The following UBE2E2 variants were observed in gnomAD, a reference collection of about 807,000 sequenced individuals.
UBE2E2 encodes the protein ubiquitin-conjugating enzyme E2 E2.
In UBE2E2, 6 loss-of-function variants were observed where a neutral mutation model predicts 24.7. The observed-to-expected ratio is 0.24, with a 90% confidence interval of 0.13 to 0.48. The LOEUF (loss-of-function observed/expected upper bound fraction) is 0.48, where lower values mean the gene tolerates loss of function less well. Among genes scored for constraint, UBE2E2 ranks in the 20% least tolerant of loss-of-function variants. UBE2E2 has a pLI of 0.99. For synonymous variants in UBE2E2, 104 were observed against 83.6 expected, an observed-to-expected ratio of 1.24 and a Z score of -1.33; for missense variants, 169 against 245.0, an observed-to-expected ratio of 0.69 and a Z score of 2.07.
rs139576766 is a variant in UBE2E2, at chr3:23,321,661, G to A, written c.227+104349G>A. ...GGGAATGGGGGTAGTCTCTTATCTC[G>A]AATGCCATGGCTTCCCACTATTATG... On this transcript the variant is annotated intron_variant, in intron 3 of 5. Transcript: ENST00000396703. 6.8e-4 allele frequency among the ~76,000 whole-genome samples: 101 copies of A among 147,646 alleles called. 5 individuals carry two copies. In the East Asian group the frequency reaches 0.016, roughly 24 times the overall value.
chr3:23,344,918 A>G (rs1280045572), intron 3 of UBE2E2, among the ~76,000 whole-genome samples: 1 of 151,710 alleles, frequency 6.6e-6, no homozygotes, highest in Non-Finnish European at 1.5e-5. Flanking sequence ...TTTTTGAAAA[A>G]GAAGTTTTAT....
At chr3:23,581,240 G>T (rs1696469888) in intron 5 of UBE2E2, among the ~76,000 whole-genome samples, 1 of 151,884 alleles carries the variant, frequency 6.6e-6, no homozygotes, top group African/African-American at 2.4e-5. Context: ...AAAAATTTAT[G>T]TAGAGGCGGG....
chr3:23,533,619 ATTTTTTT>A (rs759984741), intron 5 of UBE2E2, among the ~76,000 whole-genome samples: 10 of 108,522 alleles, frequency 9.2e-5, no homozygotes, highest in African/African-American at 1.5e-4. Context: ...GCAAATTAGT[ATTTTTTT>A]TTTTTTTTTT....
chr3:23,234,197 G>GC (rs1412518131), intron 3 of UBE2E2, among the ~76,000 whole-genome samples: 1 of 148,108 alleles, frequency 6.8e-6, no homozygotes, highest in East Asian at 2.0e-4. Context: ...CATTCTCTGT[G>GC]CCCTTTTTTT....
intron 4 of UBE2E2, among the ~76,000 whole-genome samples, chr3:23,522,665 A>G (rs1694897289): frequency 6.6e-6 from 1 of 152,176 alleles, no homozygotes; most frequent in Admixed American, 6.5e-5. Flanking sequence ...TCTTTACCAG[A>G]TAGTATCTCC....
At chr3:23,441,291 A>G (rs1250109674) in intron 3 of UBE2E2, among the ~76,000 whole-genome samples, 7 of 151,410 alleles carry the variant, frequency 4.6e-5, no homozygotes, top group South Asian at 4.2e-4. Flanking sequence ...TTGGGAGGCC[A>G]AGGCGGGCAG....
chr3:23,541,269 C>G (rs1695390973), intron 5 of UBE2E2, among the ~76,000 whole-genome samples: 1 of 152,226 alleles, frequency 6.6e-6, no homozygotes, highest in Admixed American at 6.5e-5. Flanking sequence ...TCTGACTCAA[C>G]TTTTCATTCA....
At chr3:23,483,909 G>C (rs1000762433) in intron 3 of UBE2E2, among the ~76,000 whole-genome samples, 2 of 152,160 alleles carry the variant, frequency 1.3e-5, no homozygotes, top group African/African-American at 4.8e-5. Flanking sequence ...ATTATGTACT[G>C]ACAAGGTACA....
intron 3 of UBE2E2, among the ~76,000 whole-genome samples, chr3:23,264,724 G>A (rs1337054286): frequency 2.0e-5 from 3 of 152,082 alleles, no homozygotes; most frequent in Non-Finnish European, 4.4e-5. Context: ...GTCAATCCTT[G>A]GTTTTGTATA....
At chr3:23,483,653 G>A (rs747319098) in intron 3 of UBE2E2, among the ~76,000 whole-genome samples, 5 of 152,174 alleles carry the variant, frequency 3.3e-5, no homozygotes, top group Non-Finnish European at 5.9e-5. Context: ...CAAAAATGTA[G>A]TTTCTCATTC....
intron 3 of UBE2E2, among the ~76,000 whole-genome samples, chr3:23,237,522 A>G (rs1697144518): frequency 6.6e-6 from 1 of 152,136 alleles, no homozygotes; most frequent in African/African-American, 2.4e-5. Flanking sequence ...GGTATTAGTA[A>G]AAGGAAGATG....
chr3:23,403,437 C>A (rs115093398), intron 3 of UBE2E2, among the ~76,000 whole-genome samples: 1 of 152,178 alleles, frequency 6.6e-6, no homozygotes, highest in Admixed American at 6.5e-5. Flanking sequence ...TCTGAATATA[C>A]ATACTTGGCT....
intron 3 of UBE2E2, among the ~76,000 whole-genome samples, chr3:23,263,076 T>C (rs1039083472): frequency 6.6e-6 from 1 of 152,128 alleles, no homozygotes; most frequent in African/African-American, 2.4e-5. Flanking sequence ...AAGGAACTTT[T>C]AGGTGAGAGG....
At chr3:23,560,191 C>T (rs144666370) in intron 5 of UBE2E2, among the ~76,000 whole-genome samples, 1,527 of 151,566 alleles carry the variant, frequency 0.01, 23 homozygotes, top group African/African-American at 0.033. Flanking sequence ...GGTATATCTC[C>T]GAATGCTATA....
chr3:23,259,527 A>G (rs1283004362), intron 3 of UBE2E2, among the ~76,000 whole-genome samples: 2 of 151,920 alleles, frequency 1.3e-5, no homozygotes, highest in Non-Finnish European at 2.9e-5. Context: ...GCACACATAT[A>G]CCTGTGTAAC....
At chr3:23,487,413 G>A (rs766637849) in intron 3 of UBE2E2, among the ~76,000 whole-genome samples, 1 of 152,116 alleles carries the variant, frequency 6.6e-6, no homozygotes. Context: ...TAGGGTCCGG[G>A]GCTCCCACTG....
At chr3:23,477,164 C>G (rs1160498131) in intron 3 of UBE2E2, among the ~76,000 whole-genome samples, 2 of 152,108 alleles carry the variant, frequency 1.3e-5, no homozygotes, top group Non-Finnish European at 2.9e-5. Context: ...CAAAATTTAT[C>G]TTGATGTTTT....
At chr3:23,209,494 C>A (rs1696257542) in intron 2 of UBE2E2, among the ~76,000 whole-genome samples, 1 of 152,180 alleles carries the variant, frequency 6.6e-6, no homozygotes, top group Non-Finnish European at 1.5e-5. Flanking sequence ...GATATTGTTA[C>A]ATTATAGAAT....
chr3:23,419,578 G>C (rs1277055143), intron 3 of UBE2E2, among the ~76,000 whole-genome samples: 1 of 152,162 alleles, frequency 6.6e-6, no homozygotes, highest in African/African-American at 2.4e-5. Context: ...TTGAGAATCT[G>C]TGCTTTTGTT....
Sources: gnomAD v4.1 joint callset for allele counts (sites outside exome capture counted in the v4.1 genomes callset) on GRCh38, gnomAD v4.1.1 for gene constraint, MANE v1.5 for transcripts, NCBI Gene and HGNC (gene_info 2026-07-23, HGNC 2026-07-21) for gene names.